GRK4: variants seen among roughly 807,000 people sequenced by gnomAD.
The protein encoded by GRK4 is G protein-coupled receptor kinase 4.
GRK4 carries 73 observed loss-of-function variants against 77.9 expected under a neutral mutation model. The observed-to-expected ratio is 0.94, with a 90% CI of 0.78 to 1.14. The LOEUF (loss-of-function observed/expected upper bound fraction) is 1.14. Among genes scored for constraint, GRK4 ranks in the 50% most tolerant of loss-of-function variants. GRK4 has a pLI of 0.00. For synonymous variants in GRK4, 257 were observed against 254.4 expected (o/e 1.01, Z -0.10); for missense variants, 729 against 700.2 (o/e 1.04, Z -0.46).
intron 3 of GRK4, among the ~76,000 whole-genome samples, chr4:2,990,318 G>A (rs541924328): frequency 2.2e-5 from 3 of 138,334 alleles, no homozygotes; most frequent in South Asian, 2.2e-4. Context: ...GTGCTATGGC[G>A]TGATCCCAGC....
intron 1 of GRK4, among the ~76,000 whole-genome samples, chr4:2,970,020 G>T (rs988197936): frequency 6.6e-6 from 1 of 152,202 alleles, no homozygotes; most frequent in Non-Finnish European, 1.5e-5. Flanking sequence ...AAGTTTTCTA[G>T]AAAGAGTTAT....
chr4:3,027,942 C>T lies in GRK4; in HGVS notation c.1001C>T (p.Ala334Val). ...ATCCGGATTTCAGACCTCGGTTTGG[C>T]CACAGAGATCCCAGAAGGACAGAGG... Reference protein sequence around the residue: ...GHIRISDLGLATEIPEGQRVR... With the variant: ...GHIRISDLGLVTEIPEGQRVR... The change falls in exon 11 of 16, where the codon GCC becomes GTC. Residue 334 changes from alanine (A) to valine (V), a missense_variant. Transcript: ENST00000398052. 1 of 1,614,020 alleles carries T rather than the reference C, an allele frequency of 6.2e-7. No homozygotes were observed. The highest frequency in any genetic ancestry group is 8.5e-7 in the Non-Finnish European group (1 of 1,179,974).
chr4:2,985,275 T>A (rs1723963341), intron 2 of GRK4, among the ~76,000 whole-genome samples: 1 of 151,338 alleles, frequency 6.6e-6, no homozygotes, highest in Non-Finnish European at 1.5e-5. Context: ...GTGACGGGTG[T>A]GTGTAATCCC....
chr4:2,981,099 G>A (rs112405407), intron 1 of GRK4, among the ~76,000 whole-genome samples: 70 of 152,314 alleles, frequency 4.6e-4, no homozygotes, highest in South Asian at 1.2e-3. Flanking sequence ...ATGCGGTGGC[G>A]CCCAGAAGCT....
At chr4:3,008,742 G>A (rs1003665056) in intron 6 of GRK4, among the ~76,000 whole-genome samples, 1 of 151,242 alleles carries the variant, frequency 6.6e-6, no homozygotes, top group African/African-American at 2.4e-5. Context: ...GGTGGAGGTT[G>A]CAGTGAGCTG....
intron 1 of GRK4, among the ~76,000 whole-genome samples, chr4:2,982,408 G>A (rs1723119976): frequency 6.6e-6 from 1 of 152,252 alleles, no homozygotes; most frequent in Non-Finnish European, 1.5e-5. Flanking sequence ...TACTTGAGTA[G>A]TGTAAAGTTG....
intron 12 of GRK4, among the ~76,000 whole-genome samples, chr4:3,030,422 T>A: frequency 6.6e-6 from 1 of 150,840 alleles, no homozygotes; most frequent in South Asian, 2.1e-4. Context: ...TTTAGCACAT[T>A]TTTTTTTTCA....
intron 1 of GRK4, among the ~76,000 whole-genome samples, chr4:2,977,564 T>A (rs368259268): frequency 3.3e-5 from 5 of 152,352 alleles, no homozygotes; most frequent in African/African-American, 1.2e-4. Flanking sequence ...AATTTATTTT[T>A]CATTTCCATA....
chr4:3,029,145 A>G (rs1738439200), intron 11 of GRK4, 56 bp from the exon 12 acceptor site: 1 of 1,391,478 alleles, frequency 7.2e-7, no homozygotes, highest in East Asian at 2.3e-5. Flanking sequence ...GGGAATTATA[A>G]GAAAATTTAA....
intron 2 of GRK4, among the ~76,000 whole-genome samples, chr4:2,987,757 A>T (rs191804504): frequency 6.6e-6 from 1 of 152,214 alleles, no homozygotes; most frequent in Admixed American, 6.6e-5. Context: ...CCTGGCCAAC[A>T]TGGTGAAACC....
Position 2,993,471 on chromosome 4 carries a change from C to T in GRK4, c.339+1179C>T, listed in dbSNP as rs564936910. Among the ~76,000 whole-genome samples the T allele has an allele frequency of 4.6e-5, 7 of 152,142 alleles. No homozygotes were observed. The East Asian group carries it at 1.2e-3, about 25-fold the overall frequency. ...GGTAGATCACTTGAGGTCAAGAATT[C>T]GACACAGGCCTGGCCAATATGGTGA... On this transcript the variant is annotated intron_variant, in intron 4 of 15. Coordinates refer to ENST00000398052, the MANE Select transcript of GRK4 (RefSeq NM_182982.3).
chr4:3,015,019 G>T (rs570573129), intron 8 of GRK4, among the ~76,000 whole-genome samples: 1 of 152,078 alleles, frequency 6.6e-6, no homozygotes, highest in Non-Finnish European at 1.5e-5. Context: ...GAAGTTTACC[G>T]CTAGGCCCTC....
chr4:3,016,395 G>T (rs1479313473), intron 8 of GRK4, among the ~76,000 whole-genome samples: 1 of 151,752 alleles, frequency 6.6e-6, no homozygotes, highest in Non-Finnish European at 1.5e-5. Context: ...GCGAGCACCT[G>T]TAATCCAAGC....
chr4:3,028,922 C>A (rs1416868012), intron 11 of GRK4, among the ~76,000 whole-genome samples: 2 of 152,150 alleles, frequency 1.3e-5, no homozygotes, highest in Non-Finnish European at 2.9e-5. Context: ...CAGGCGCCTG[C>A]CGCCATACCT....
At chr4:2,965,161 G>C (rs1017548493) in intron 1 of GRK4, 1 of 637,292 alleles carries the variant, frequency 1.6e-6, no homozygotes, top group Admixed American at 2.4e-5. Flanking sequence ...TCAAGGCTCA[G>C]CTTTTTGGAT....
intron 7 of GRK4, among the ~76,000 whole-genome samples, 199 bp from the exon 8 acceptor site, chr4:3,013,488 TA>T (rs1733512386): frequency 6.6e-6 from 1 of 152,182 alleles, no homozygotes; most frequent in Non-Finnish European, 1.5e-5. Context: ...TACACTGTCT[TA>T]GAGTTGATAG....
At position 3,035,411 on chromosome 4, in the gene GRK4, G is replaced by A. The variant is rs745787782; in HGVS notation, c.1295G>A (p.Arg432Gln). The A allele has an allele frequency of 4.6e-5, 74 of 1,613,798 alleles. No homozygotes were observed. Among genetic ancestry groups the A allele is most frequent in the Middle Eastern group, 1.7e-4 (1 of 6,012 alleles). ...RMLLTKNPSKRLGCRGEGAAG... is the reference protein window; with the variant it reads ...RMLLTKNPSKQLGCRGEGAAG... ...TTACTCACCAAGAATCCAAGCAAGC[G>A]GCTGGGCTGCAGGGGCGAGGGAGCG... Residue 432 changes from arginine to glutamine, a missense_variant, in exon 13 of 16, where the codon CGG becomes CAG. Coordinates refer to ENST00000398052, the MANE Select transcript of GRK4 (RefSeq NM_182982.3).
chr4:3,031,575 G>A (rs367871804), intron 12 of GRK4, among the ~76,000 whole-genome samples: 12 of 152,196 alleles, frequency 7.9e-5, no homozygotes, highest in Admixed American at 2.6e-4. Context: ...CCATGGGCTC[G>A]ACGCTGGCTC....
At chr4:3,014,261 G>T (rs925485776) in intron 8 of GRK4, among the ~76,000 whole-genome samples, 3 of 150,288 alleles carry the variant, frequency 2.0e-5, no homozygotes, top group Admixed American at 6.6e-5. Flanking sequence ...ACTGTGACTT[G>T]GCTGTGCTTG....
Sources: gnomAD v4.1 joint callset for allele counts (sites outside exome capture counted in the v4.1 genomes callset) on GRCh38, gnomAD v4.1.1 for gene constraint, MANE v1.5 for transcripts, NCBI Gene and HGNC (gene_info 2026-07-23, HGNC 2026-07-21) for gene names.